The following SCNN1A variants were observed in gnomAD, a reference collection of about 807,000 sequenced individuals.
SCNN1A encodes epithelial sodium channel subunit alpha.
Under a neutral mutation model 68.6 loss-of-function variants are expected in SCNN1A, and 65 were observed. That is an observed-to-expected ratio of 0.95 (90% CI 0.78 to 1.16). SCNN1A has a LOEUF of 1.16. Among genes scored for constraint, SCNN1A ranks in the 50% most tolerant of loss-of-function variants. SCNN1A has a pLI of 0.00. For missense variants in SCNN1A, 880 were observed against 865.9 expected (o/e 1.02, Z -0.20); for synonymous variants, 357 against 353.3 (o/e 1.01, Z -0.12).
rs558665583 is a variant in SCNN1A at position 6,364,775 on chromosome 12, A to T, written c.417-1065T>A. Among the ~76,000 whole-genome samples, 3 of 152,188 alleles carry T rather than the reference A, an allele frequency of 2.0e-5. No individual in the cohort carries two copies. In the South Asian group the frequency reaches 6.2e-4, roughly 32 times the overall value. ...AGACTCCGTCTCAAAAAAAAAAAAA[A>T]ATTAATTGCATTTCCGTCTCAAAAA... On this transcript the variant is annotated intron_variant, in intron 2 of 12. Transcript: ENST00000228916.
rs914217242 is a variant in SCNN1A, at chr12:6,354,419, G to C, written c.1360+19C>G. On this transcript the variant is annotated intron_variant, in intron 8 of 12. Coordinates refer to ENST00000228916, the MANE Select transcript of SCNN1A (RefSeq NM_001038.6). The stretch of plus-strand genomic sequence containing the variant: ...TACTGGGGTCAGTGGGGCAGGGTGG[G>C]GGCTCCCTGGAGTCTCACCCCAGGA... The C allele has an allele frequency of 6.5e-7, 1 of 1,545,680 alleles. No individual in the cohort carries two copies. Among genetic ancestry groups the C allele is most frequent in the Non-Finnish European group, 8.9e-7 (1 of 1,119,376 alleles).
At chr12:6,349,473 T>A in intron 8 of SCNN1A, 68 bp from the exon 9 acceptor site, 2 of 1,116,962 alleles carry the variant, frequency 1.8e-6, no homozygotes, top group Non-Finnish European at 2.7e-6. Flanking sequence ...ACCCAAGAGG[T>A]CTCCCAAGAT....
rs953132995 is a variant in SCNN1A, at chr12:6,357,542, C to T, written c.876-1662G>A. ...GAGATTGCACCACTGCACACTACAG[C>T]GAGACTCTGTCTCAAAAAAAAAAAT... On this transcript the variant is annotated intron_variant, in intron 4 of 12. Transcript: ENST00000228916. Among the ~76,000 whole-genome samples the T allele has an allele frequency of 1.4e-4, 20 of 144,048 alleles. 1 individual carries two copies. The highest frequency in any genetic ancestry group is 1.3e-3 in the Admixed American group (19 of 14,970). The allele number at this position is 144,048 out of a possible 152,430, so 94.5% of individuals were successfully genotyped here. A position where few individuals can be genotyped will look rare whatever the true frequency, so the allele number is the denominator to read the frequency against.
intron 4 of SCNN1A, among the ~76,000 whole-genome samples, chr12:6,360,418 C>T (rs904300482): frequency 1.3e-5 from 2 of 151,432 alleles, no homozygotes; most frequent in Admixed American, 1.3e-4. Flanking sequence ...GGCAGGCACA[C>T]AGAGCAAAGG....
chr12:6,360,611 T>C (rs1182758098), intron 4 of SCNN1A, among the ~76,000 whole-genome samples: 1 of 151,942 alleles, frequency 6.6e-6, no homozygotes, highest in Non-Finnish European at 1.5e-5. Context: ...CTGGGCAGAG[T>C]GTGTGTGAAG....
chr12:6,356,186 C>T (rs1948495198), intron 4 of SCNN1A: 1 of 445,026 alleles, frequency 2.2e-6, no homozygotes, highest in Non-Finnish European at 4.2e-6. Flanking sequence ...GTCCAGGCTC[C>T]TCTCACCAGG....
At chr12:6,353,361 C>T (rs1005047070) in intron 8 of SCNN1A, among the ~76,000 whole-genome samples, 52 of 151,810 alleles carry the variant, frequency 3.4e-4, no homozygotes, top group Admixed American at 1.9e-3. Context: ...TGAGACAGAC[C>T]CATGTATCTT....
At position 6,348,142 on chromosome 12, in the gene SCNN1A, A is replaced by G. The variant is rs1396155824; in HGVS notation, c.1741T>C (p.Phe581Leu). The G allele has an allele frequency of 1.9e-6, 3 of 1,614,138 alleles. No individual in the cohort carries two copies. In the Admixed American group the frequency reaches 5.0e-5, roughly 27 times the overall value. ...ELVFDLLVIM[F>L]LMLLRRFRSR... ...CGGAACCTTCGGAGCAGCATGAGGAACATGATGACCAGCAGGTCAAAGACG... is the reference window on the plus strand; with the variant it reads ...CGGAACCTTCGGAGCAGCATGAGGAGCATGATGACCAGCAGGTCAAAGACG... Residue 581 changes from phenylalanine (F) to leucine (L), a missense_variant, in exon 13 of 13, where the codon TTC (phenylalanine) becomes CTC (leucine). By Grantham distance (22) the Phe-to-Leu change is conservative. Coordinates refer to ENST00000228916, the MANE Select transcript of SCNN1A (RefSeq NM_001038.6).
Position 6,347,879 on chromosome 12 carries a change from C to G in SCNN1A, c.2004G>C (p.Gly668=), listed in dbSNP as rs539360032. Residue 668 remains glycine (G), a synonymous_variant, in exon 13 of 13, where the codon GGG becomes GGC. Coordinates refer to ENST00000228916, the MANE Select transcript of SCNN1A (RefSeq NM_001038.6). ...GASSSTCPLG[G]P ...AGAAACCTCTCCTTCCCTCTCAGGG[C>G]CCCCCCAGAGGACAGGTGGAGGAAC... 9 of 1,597,610 alleles carry G rather than the reference C, an allele frequency of 5.6e-6. No homozygotes were observed. The Admixed American group carries it at 1.0e-4, about 18-fold the overall frequency.
Position 6,374,892 on chromosome 12 carries a change from C to T in SCNN1A, c.-54-55G>A. The T allele has an allele frequency of 6.2e-7, 1 of 1,613,026 alleles. No individual in the cohort carries two copies. Among genetic ancestry groups the T allele is most frequent in the Non-Finnish European group, 8.5e-7 (1 of 1,179,534 alleles). Reference sequence around the variant, plus strand: ...AGCAAGGGTCAGGGTCAAGGCTGAGCTCTGGGCCCTGAGTGCCCTCTCCCA... The same window carrying T: ...AGCAAGGGTCAGGGTCAAGGCTGAGTTCTGGGCCCTGAGTGCCCTCTCCCA... On this transcript the variant is annotated intron_variant, in intron 1 of 12. Transcript: ENST00000228916. This position sits in a 1 kb window ranked among gnomAD's most constrained non-coding sequence, Gnocchi z 6.2.
At chr12:6,363,789 C>T (rs1948626060) in intron 2 of SCNN1A, 79 bp from the exon 3 acceptor site, 3 of 1,399,304 alleles carry the variant, frequency 2.1e-6, no homozygotes, top group Non-Finnish European at 2.9e-6. Context: ...GGGTCCTCAT[C>T]TGTGCCCCGG....
At chr12:6,355,618 G>T (rs13306614) in intron 5 of SCNN1A, among the ~76,000 whole-genome samples, 159 bp downstream of exon 5, 1 of 152,192 alleles carries the variant, frequency 6.6e-6, no homozygotes, top group Non-Finnish European at 1.5e-5. Context: ...GAAGACCTGG[G>T]ACGGGATTCC....
rs1017960385 is a variant in SCNN1A, at chr12:6,348,381, C to T, written c.1630-128G>A. The T allele has an allele frequency of 3.2e-6, 5 of 1,540,604 alleles. No homozygotes were observed. In the African/African-American group the frequency reaches 6.9e-5, roughly 21 times the overall value. On this transcript the variant is annotated intron_variant, in intron 12 of 12. Coordinates refer to ENST00000228916, the MANE Select transcript of SCNN1A (RefSeq NM_001038.6). ...GAAGACCCCCGAGTCCTCTCAGCCT[C>T]TCAGCAGCCCCCTGGGCTCTTTGTC... is the stretch of plus-strand genomic sequence containing the variant.
rs964472928 is a variant in SCNN1A, at chr12:6,374,250, C to A, written c.416+118G>T. The A allele has an allele frequency of 1.8e-6, 2 of 1,119,238 alleles. No individual in the cohort carries two copies. The highest frequency in any genetic ancestry group is 2.6e-6 in the Non-Finnish European group (2 of 774,228). The allele number at this position is 1,119,238 out of a possible 1,614,324, so 69.3% of individuals were successfully genotyped here. On this transcript the variant is annotated intron_variant, in intron 2 of 12. Coordinates refer to ENST00000228916, the MANE Select transcript of SCNN1A (RefSeq NM_001038.6). The surrounding 1 kb of genome is among the most constrained non-coding windows in gnomAD (Gnocchi z 6.2). ...TGCCAGCAGTGAGCTCTACCTGGGACAGGGGTGTCAGTTCCCACCCTCAGG... is the reference window on the plus strand; with the variant it reads ...TGCCAGCAGTGAGCTCTACCTGGGAAAGGGGTGTCAGTTCCCACCCTCAGG...
At chr12:6,355,905 T>C (rs1948488986) in intron 4 of SCNN1A, 25 bp from the exon 5 acceptor site, 3 of 1,438,916 alleles carry the variant, frequency 2.1e-6, no homozygotes, top group Non-Finnish European at 2.0e-6. Context: ...GAGAGTAGGG[T>C]CAGAGAGGAA....
At chr12:6,363,341 C>T in intron 3 of SCNN1A, 102 bp downstream of exon 3, 1 of 1,050,606 alleles carries the variant, frequency 9.5e-7, no homozygotes, top group African/African-American at 1.7e-5. Flanking sequence ...CGTGGTGTCA[C>T]TGGGCTGCGC....
intron 2 of SCNN1A, among the ~76,000 whole-genome samples, chr12:6,366,765 A>G (rs1592079721): frequency 1.3e-5 from 2 of 151,294 alleles, no homozygotes; most frequent in African/African-American, 2.4e-5. Flanking sequence ...TCGCCATTGC[A>G]CTCCAGCCTG....
chr12:6,371,032 CA>C (rs1948779551), intron 2 of SCNN1A, among the ~76,000 whole-genome samples: 1 of 152,198 alleles, frequency 6.6e-6, no homozygotes, highest in Non-Finnish European at 1.5e-5. Context: ...CCTTCGGACT[CA>C]GCACTTCCTT....
At chr12:6,369,659 C>T (rs1028396290) in intron 2 of SCNN1A, among the ~76,000 whole-genome samples, 2 of 152,020 alleles carry the variant, frequency 1.3e-5, no homozygotes, top group Admixed American at 1.3e-4. Flanking sequence ...GGCGAAACCC[C>T]GTCTCTACTA....
Sources: gnomAD v4.1 joint callset for allele counts (sites outside exome capture counted in the v4.1 genomes callset) on GRCh38, gnomAD v4.1.1 for gene constraint, Gnocchi (gnomAD v3.1) non-coding constraint, MANE v1.5 for transcripts, NCBI Gene and HGNC (gene_info 2026-07-23, HGNC 2026-07-21) for gene names.